Variants in KDM4B observed in about 807,000 individuals in gnomAD.
The protein encoded by KDM4B is lysine-specific demethylase 4B.
Under a neutral mutation model 125.2 loss-of-function variants are expected in KDM4B, and 32 were observed. The ratio of observed to expected loss-of-function variants is 0.26; its 90% CI spans 0.19 to 0.34. KDM4B has a LOEUF of 0.34. Among genes scored for constraint, KDM4B ranks in the 10% least tolerant of loss-of-function variants. KDM4B has a pLI of 1.00. For synonymous variants in KDM4B, 721 were observed against 677.9 expected, an observed-to-expected ratio of 1.06 and a Z score of -0.99; for missense variants, 1,190 against 1,577.7, an observed-to-expected ratio of 0.75 and a Z score of 4.16.
At chr19:5,037,897 C>A (rs542701943) in intron 3 of KDM4B, among the ~76,000 whole-genome samples, 1 of 152,260 alleles carries the variant, frequency 6.6e-6, no homozygotes, top group Non-Finnish European at 1.5e-5. Flanking sequence ...ATGCCGGCCA[C>A]GGAGGCAGCA....
intron 9 of KDM4B, among the ~76,000 whole-genome samples, chr19:5,108,469 CT>C (rs2039077936): frequency 6.6e-6 from 1 of 152,248 alleles, no homozygotes; most frequent in South Asian, 2.1e-4. Flanking sequence ...CATGGCCCCC[CT>C]GGGACTGGGT....
At chr19:4,983,014 G>C (rs568998307) in intron 1 of KDM4B, among the ~76,000 whole-genome samples, 9 of 152,248 alleles carry the variant, frequency 5.9e-5, no homozygotes, top group African/African-American at 1.4e-4. Context: ...AAGAGAAATG[G>C]GGGAAATTAA....
chr19:5,149,048 G>T (rs536994508), intron 21 of KDM4B, among the ~76,000 whole-genome samples: 25 of 152,344 alleles, frequency 1.6e-4, no homozygotes, highest in African/African-American at 5.8e-4. Context: ...CGGCCAAGAG[G>T]CATGTGGAAC....
chr19:5,061,365 A>G (rs1400565778), intron 6 of KDM4B, among the ~76,000 whole-genome samples: 3 of 152,190 alleles, frequency 2.0e-5, no homozygotes, highest in Non-Finnish European at 4.4e-5. Flanking sequence ...AAATTCCATC[A>G]TCTCTTGTCC....
At position 5,027,601 on chromosome 19, in the gene KDM4B, C is replaced by T. The variant is rs893257259; in HGVS notation, c.-25-5265C>T. Among the ~76,000 whole-genome samples, 7 of 144,424 alleles carry T rather than the reference C, an allele frequency of 4.8e-5. No homozygotes were observed. The South Asian group carries it at 6.5e-4, about 13-fold the overall frequency. 94.7% of individuals were successfully genotyped at this position (144,424 alleles called of 152,430 possible). ...CGTCACCCAGGCTGGAGTGCAATGG[C>T]GCAATCTTGGCTCACTGCAACCTCT... is the stretch of plus-strand genomic sequence containing the variant. On this transcript the variant is annotated intron_variant, in intron 2 of 22. Coordinates refer to ENST00000159111, the MANE Select transcript of KDM4B (RefSeq NM_015015.3).
intron 14 of KDM4B, among the ~76,000 whole-genome samples, chr19:5,134,732 CG>C (rs759664853): frequency 1.6e-4 from 25 of 152,208 alleles, no homozygotes; most frequent in Non-Finnish European, 5.9e-5. Context: ...GGGTTGGGGA[CG>C]TCACCCCCCA....
Position 5,045,077 on chromosome 19 carries a change from C to T in KDM4B, c.433-2399C>T, listed in dbSNP as rs145029549. Among the ~76,000 whole-genome samples, 34 of 152,342 alleles carry T rather than the reference C, an allele frequency of 2.2e-4. 1 individual carries two copies. Among genetic ancestry groups the T allele is most frequent in the East Asian group, 1.9e-3 (10 of 5,186 alleles). On this transcript the variant is annotated intron_variant, in intron 5 of 22. Coordinates refer to ENST00000159111, the MANE Select transcript of KDM4B (RefSeq NM_015015.3). ...GGGTAAATACCAAGGAGTACAGTTGCTGGACCACGTGGTGAGAGGACGTTT... is the reference window on the plus strand; with the variant it reads ...GGGTAAATACCAAGGAGTACAGTTGTTGGACCACGTGGTGAGAGGACGTTT...
chr19:5,111,765 G>A (rs780985442), intron 10 of KDM4B: 24 of 765,024 alleles, frequency 3.1e-5, no homozygotes, highest in Non-Finnish European at 4.8e-5. Context: ...GTGACTTGGC[G>A]ACTTTGCAGG....
intron 21 of KDM4B, 64 bp downstream of exon 21, chr19:5,144,966 A>T: frequency 6.2e-7 from 1 of 1,604,336 alleles, no homozygotes; most frequent in Non-Finnish European, 8.5e-7. Context: ...GTGCGGGGAC[A>T]GGAGGATCAC....
chr19:5,077,721 C>G, intron 8 of KDM4B: 1 of 477,062 alleles, frequency 2.1e-6, no homozygotes, highest in Non-Finnish European at 3.8e-6. Flanking sequence ...AAACTTCCTC[C>G]TGGGTGTGGC....
chr19:4,981,916 G>A (rs543282942), intron 1 of KDM4B, among the ~76,000 whole-genome samples: 30 of 152,324 alleles, frequency 2.0e-4, no homozygotes, highest in Admixed American at 1.8e-3. Context: ...TGTGGTGAAG[G>A]TGGACCCCTG....
intron 9 of KDM4B, among the ~76,000 whole-genome samples, chr19:5,095,648 C>A (rs1222273906): frequency 6.6e-6 from 1 of 152,168 alleles, no homozygotes; most frequent in Non-Finnish European, 1.5e-5. Context: ...CAGGGCAGGG[C>A]AGAGCCTGCT....
chr19:5,003,048 C>G (rs1480122371), intron 1 of KDM4B, among the ~76,000 whole-genome samples: 1 of 152,206 alleles, frequency 6.6e-6, no homozygotes, highest in East Asian at 1.9e-4. Flanking sequence ...GAGGAGTTCA[C>G]CTCGTTTTTT....
chr19:5,085,949 G>C (rs2038478976), intron 9 of KDM4B, among the ~76,000 whole-genome samples: 1 of 152,146 alleles, frequency 6.6e-6, no homozygotes, highest in Non-Finnish European at 1.5e-5. Context: ...AGGTCAGGTG[G>C]GGCTCGGGCC....
intron 2 of KDM4B, among the ~76,000 whole-genome samples, chr19:5,022,381 C>G (rs2036151183): frequency 6.6e-6 from 1 of 152,170 alleles, no homozygotes; most frequent in African/African-American, 2.4e-5. Flanking sequence ...CCGAGGGCCA[C>G]CGTGCTGAGG....
intron 9 of KDM4B, among the ~76,000 whole-genome samples, chr19:5,093,385 G>T (rs966790254): frequency 6.6e-6 from 1 of 152,202 alleles, no homozygotes. Context: ...CTGGCTGGCC[G>T]GGAGGGGCAG....
chr19:5,087,637 C>T (rs2038548740), intron 9 of KDM4B, among the ~76,000 whole-genome samples: 1 of 152,196 alleles, frequency 6.6e-6, no homozygotes, highest in South Asian at 2.1e-4. Context: ...CCAGGTTTCC[C>T]AGCATCTCCC....
In KDM4B at chr19:5,145,587, C is replaced by A. The variant is rs146009323; in HGVS notation, c.3021+685C>A. Among the ~76,000 whole-genome samples the A allele has an allele frequency of 4.4e-3, 667 of 152,104 alleles. 4 individuals carry two copies. Among genetic ancestry groups the A allele is most frequent in the African/African-American group, 0.015 (638 of 41,492 alleles). ...TGGGTGACAGAGCGAGACTCAGCCTCAAAAAATTAATTAATTAATTAAATG... is the reference window on the plus strand; with the variant it reads ...TGGGTGACAGAGCGAGACTCAGCCTAAAAAAATTAATTAATTAATTAAATG... On this transcript the variant is annotated intron_variant, in intron 21 of 22. Transcript: ENST00000159111.
chr19:5,045,263 T>A (rs951348102), intron 5 of KDM4B, among the ~76,000 whole-genome samples: 2 of 152,236 alleles, frequency 1.3e-5, no homozygotes, highest in Admixed American at 6.5e-5. Context: ...TTGCGCTGTC[T>A]CATTGCCATT....
Sources: gnomAD v4.1 joint callset for allele counts (sites outside exome capture counted in the v4.1 genomes callset) on GRCh38, gnomAD v4.1.1 for gene constraint, MANE v1.5 for transcripts, NCBI Gene and HGNC (gene_info 2026-07-23, HGNC 2026-07-21) for gene names.